CDC73: variants seen among roughly 807,000 people sequenced by gnomAD.
The protein encoded by CDC73 is parafibromin.
CDC73 carries 21 observed loss-of-function variants against 83.7 expected under a neutral mutation model. The observed-to-expected ratio is 0.25, with a 90% CI of 0.18 to 0.36. The LOEUF (loss-of-function observed/expected upper bound fraction) is 0.36. CDC73 is among the 10% of genes least tolerant of loss of function. The pLI is 1.00. For missense variants in CDC73, 342 were observed against 653.3 expected (o/e 0.52, Z 5.19); for synonymous variants, 224 against 212.9 (o/e 1.05, Z -0.45).
chr1:193,161,634 A>ATT (rs1399695003), intron 10 of CDC73, among the ~76,000 whole-genome samples: 3 of 9,576 alleles, frequency 3.1e-4, no homozygotes, highest in African/African-American at 1.4e-3. Flanking sequence ...ATAGATATAT[A>ATT]ATATATTATA....
At chr1:193,145,851 A>G (rs1053549031) in intron 7 of CDC73, among the ~76,000 whole-genome samples, 1 of 152,194 alleles carries the variant, frequency 6.6e-6, no homozygotes, top group East Asian at 1.9e-4. Context: ...AACATCTACA[A>G]ACTAGGCAAG....
chr1:193,208,102 C>T (rs1263896731), intron 11 of CDC73, among the ~76,000 whole-genome samples: 1 of 152,190 alleles, frequency 6.6e-6, no homozygotes, highest in East Asian at 1.9e-4. Context: ...AGAGTGACAC[C>T]ACAATCAACT....
chr1:193,200,053 C>G (rs1677064232), intron 10 of CDC73, among the ~76,000 whole-genome samples: 2 of 133,494 alleles, frequency 1.5e-5, no homozygotes, highest in Admixed American at 8.1e-5. Context: ...ATGGCGAAAC[C>G]CTGTCTCCAC....
Position 193,146,977 on chromosome 1 carries a change from A to G in CDC73, c.730-890A>G, listed in dbSNP as rs188633798. ...TTCTGAACTAGAAGCCTCTTTTGAC[A>G]AATGTATTTATATTTTATTTAGATT... On this transcript the variant is annotated intron_variant, in intron 7 of 16. Coordinates refer to ENST00000367435, the MANE Select transcript of CDC73 (RefSeq NM_024529.5). 7.9e-5 allele frequency among the ~76,000 whole-genome samples: 12 copies of G among 152,176 alleles called. No homozygotes were observed. The South Asian group carries it at 8.3e-4, about 11-fold the overall frequency.
At chr1:193,200,900 A>G (rs1377252032) in intron 10 of CDC73, among the ~76,000 whole-genome samples, 5 of 152,148 alleles carry the variant, frequency 3.3e-5, no homozygotes, top group Admixed American at 1.3e-4. Flanking sequence ...CTTAAAAATA[A>G]TGGAAATCAG....
chr1:193,134,425 C>G (rs965594752), intron 3 of CDC73, among the ~76,000 whole-genome samples: 1 of 152,060 alleles, frequency 6.6e-6, no homozygotes, highest in African/African-American at 2.4e-5. Flanking sequence ...AATCCCAGCA[C>G]TTTGGGAGGC....
At chr1:193,150,265 A>C in intron 8 of CDC73, 39 bp from the exon 9 acceptor site, 1 of 1,407,378 alleles carries the variant, frequency 7.1e-7, no homozygotes, top group Non-Finnish European at 1.0e-6. Context: ...GTGACATTTA[A>C]AAATATTAAC....
intron 14 of CDC73, among the ~76,000 whole-genome samples, chr1:193,234,289 A>ATATATATATATATAAT (rs1677719485): frequency 1.7e-5 from 2 of 116,128 alleles, no homozygotes; most frequent in African/African-American, 6.9e-5. Context: ...TAATATACAT[A>ATATATATATATATAAT]TTATATATAT....
intron 15 of CDC73, among the ~76,000 whole-genome samples, chr1:193,248,369 G>A (rs1355607632): frequency 1.3e-5 from 2 of 152,104 alleles, no homozygotes; most frequent in Admixed American, 6.6e-5. Context: ...AATGTACCTA[G>A]TCATGCAAGA....
At chr1:193,176,590 CT>C (rs1676606391) in intron 10 of CDC73, among the ~76,000 whole-genome samples, 1 of 152,140 alleles carries the variant, frequency 6.6e-6, no homozygotes. Context: ...CATCATCTGC[CT>C]TCTGGGATTA....
intron 5 of CDC73, 53 bp downstream of exon 5, chr1:193,135,642 A>G: frequency 1.4e-6 from 2 of 1,381,906 alleles, no homozygotes; most frequent in East Asian, 2.5e-5. Flanking sequence ...TGAAATTGGG[A>G]TTCTTTAGTA....
intron 13 of CDC73, among the ~76,000 whole-genome samples, chr1:193,229,299 A>G (rs1172758003): frequency 3.5e-4 from 54 of 152,244 alleles, no homozygotes; most frequent in Non-Finnish European, 2.9e-5. Flanking sequence ...ACGAACCCAG[A>G]CCTTGAAACT....
chr1:193,204,228 TATATATACAC>T (rs1646354030), intron 11 of CDC73, among the ~76,000 whole-genome samples: 2 of 95,710 alleles, frequency 2.1e-5, no homozygotes, highest in Non-Finnish European at 4.5e-5. Context: ...TATATATATG[TATATATACAC>T]GTATATATAT....
intron 10 of CDC73, among the ~76,000 whole-genome samples, chr1:193,193,244 T>C (rs891966402): frequency 1.9e-4 from 29 of 152,330 alleles, no homozygotes; most frequent in Non-Finnish European, 4.4e-5. Flanking sequence ...ACATTAAGCA[T>C]TTTTTATATG....
At chr1:193,185,429 T>C (rs1226309908) in intron 10 of CDC73, among the ~76,000 whole-genome samples, 1 of 152,130 alleles carries the variant, frequency 6.6e-6, no homozygotes, top group Non-Finnish European at 1.5e-5. Flanking sequence ...TAGTATCTTC[T>C]TGTAGCTTGG....
At chr1:193,192,520 A>T (rs914355539) in intron 10 of CDC73, among the ~76,000 whole-genome samples, 3 of 152,196 alleles carry the variant, frequency 2.0e-5, no homozygotes, top group African/African-American at 7.2e-5. Flanking sequence ...TTTTTGAAGA[A>T]AGAAGGGAAC....
At chr1:193,212,742 C>G (rs1320734729) in intron 13 of CDC73, among the ~76,000 whole-genome samples, 1 of 151,976 alleles carries the variant, frequency 6.6e-6, no homozygotes, top group Non-Finnish European at 1.5e-5. Context: ...GAATTGTTTT[C>G]TTTTGATGAT....
At chr1:193,229,469 C>T (rs1677619153) in intron 13 of CDC73, among the ~76,000 whole-genome samples, 1 of 152,206 alleles carries the variant, frequency 6.6e-6, no homozygotes, top group South Asian at 2.1e-4. Context: ...AGCTTCCTTG[C>T]TCCTTCTGTG....
intron 15 of CDC73, 82 bp downstream of exon 15, chr1:193,236,438 C>T (rs1336904044): frequency 2.3e-6 from 2 of 885,940 alleles, no homozygotes; most frequent in Non-Finnish European, 3.8e-6. Context: ...TAGTTCTGCG[C>T]ATATGATGTG....
Sources: allele counts gnomAD v4.1 joint callset (sites outside exome capture counted in the v4.1 genomes callset), GRCh38; gene constraint gnomAD v4.1.1; transcripts MANE v1.5; gene names NCBI Gene and HGNC (gene_info 2026-07-23, HGNC 2026-07-21).